The following WWC2 variants were observed in gnomAD, a reference collection of about 807,000 sequenced individuals.
The protein encoded by WWC2 is WW and C2 domain containing 2, also known as protein WWC2.
In WWC2, 101 loss-of-function variants were observed where a neutral mutation model predicts 138.5. That is an observed-to-expected ratio of 0.73 (90% CI 0.62 to 0.86). The LOEUF is 0.86. Ranked by LOEUF, WWC2 falls within the 40% of genes least tolerant of loss-of-function variation. WWC2 has a pLI of 0.00. For synonymous variants in WWC2, 558 were observed against 538.4 expected (o/e 1.04, Z -0.50); for missense variants, 1,420 against 1,419.4 (o/e 1.00, Z -0.01).
At position 183,208,023 on chromosome 4, in the gene WWC2, C is replaced by T. The variant is rs758665430; in HGVS notation, c.312C>T (p.Leu104=). ...GEQEKMLKDY[L]SVAQDALRTQ... ...AGGAGAAGATGCTCAAGGACTACCT[C>T]TCTGTGGCACAGGATGCCCTCCGGA... The change falls in exon 3 of 23, where the codon CTC becomes CTT. Residue 104 remains leucine, a synonymous_variant. Transcript: ENST00000403733. 6.2e-7 allele frequency: 1 copy of T among 1,613,842 alleles called. No homozygotes were observed. The highest frequency in any genetic ancestry group is 1.1e-5 in the South Asian group (1 of 91,054).
intron 1 of WWC2, among the ~76,000 whole-genome samples, chr4:183,172,395 T>G (rs1420419266): frequency 6.6e-6 from 1 of 152,170 alleles, no homozygotes; most frequent in Non-Finnish European, 1.5e-5. Flanking sequence ...GCTTTGCATC[T>G]CCACAGATGC....
In WWC2 at chr4:183,173,729, G is replaced by A. The variant is rs531633078; in HGVS notation, c.132-19870G>A. ...TGTGGAATGCTCCACACTGCGGGGGGCCAGCTGCCCGGGGATTCATCCAGA... is the reference window on the plus strand; with the variant it reads ...TGTGGAATGCTCCACACTGCGGGGGACCAGCTGCCCGGGGATTCATCCAGA... On this transcript the variant is annotated intron_variant, in intron 1 of 22. Coordinates refer to ENST00000403733, the MANE Select transcript of WWC2 (RefSeq NM_024949.6). 5.9e-5 allele frequency among the ~76,000 whole-genome samples: 9 copies of A among 152,184 alleles called. No individual in the cohort carries two copies. The South Asian group carries it at 6.2e-4, about 11-fold the overall frequency.
chr4:183,144,946 T>C lies in WWC2; in HGVS notation c.131+45324T>C, dbSNP rs1216544352. ...TAGTCCTTGTTAGATTTGGTTTTGT[T>C]TAGCTGTCAAAGTCTGACAGAAATC... On this transcript the variant is annotated intron_variant, in intron 1 of 22. Transcript: ENST00000403733. Among the ~76,000 whole-genome samples, 3 of 152,200 alleles carry C rather than the reference T, an allele frequency of 2.0e-5. No homozygotes were observed. In the South Asian group the frequency reaches 6.2e-4, roughly 31 times the overall value.
At chr4:183,266,766 A>C (rs1440039637) in intron 14 of WWC2, among the ~76,000 whole-genome samples, 2 of 152,212 alleles carry the variant, frequency 1.3e-5, no homozygotes, top group Non-Finnish European at 2.9e-5. Context: ...AAGGCTTTGG[A>C]AATTTAAAAA....
chr4:183,235,605 C>T (rs1191760095), intron 4 of WWC2, among the ~76,000 whole-genome samples: 1 of 152,152 alleles, frequency 6.6e-6, no homozygotes, highest in Admixed American at 6.5e-5. Context: ...CTGTGACCAT[C>T]TTGTTTCACT....
chr4:183,156,801 A>G (rs1733818699), intron 1 of WWC2, among the ~76,000 whole-genome samples: 2 of 152,236 alleles, frequency 1.3e-5, no homozygotes, highest in South Asian at 4.1e-4. Flanking sequence ...AGATGCAAAA[A>G]GAGTACAAAG....
At chr4:183,120,405 AC>A (rs1200460540) in intron 1 of WWC2, among the ~76,000 whole-genome samples, 1 of 152,206 alleles carries the variant, frequency 6.6e-6, no homozygotes, top group African/African-American at 2.4e-5. Flanking sequence ...ATTGATGCTG[AC>A]GTTTATGAAC....
At chr4:183,170,465 G>C (rs999856436) in intron 1 of WWC2, among the ~76,000 whole-genome samples, 8 of 152,152 alleles carry the variant, frequency 5.3e-5, no homozygotes, top group African/African-American at 1.9e-4. Flanking sequence ...GTGGACGGTG[G>C]GTGGGGTAAA....
chr4:183,175,775 G>A (rs937193124), intron 1 of WWC2, among the ~76,000 whole-genome samples: 1 of 152,164 alleles, frequency 6.6e-6, no homozygotes, highest in Admixed American at 6.5e-5. Context: ...GGAGATGTTC[G>A]TGAAAGCACT....
rs190000395 is a variant in WWC2 at position 183,218,991 on chromosome 4, A to G, written c.522+9966A>G. ...CAACAAAATATGGCATATACATATA[A>G]TGCAATATTATTAAGCTTTAAAACA... On this transcript the variant is annotated intron_variant, in intron 4 of 22. Coordinates refer to ENST00000403733, the MANE Select transcript of WWC2 (RefSeq NM_024949.6). Among the ~76,000 whole-genome samples the G allele has an allele frequency of 7.9e-5, 12 of 152,392 alleles. No individual in the cohort carries two copies. In the East Asian group the frequency reaches 2.3e-3, roughly 29 times the overall value.
At chr4:183,305,180 G>A (rs539167761) in intron 21 of WWC2, among the ~76,000 whole-genome samples, 1 of 152,188 alleles carries the variant, frequency 6.6e-6, no homozygotes, top group Admixed American at 6.5e-5. Flanking sequence ...AACTCTTGAG[G>A]ATATGTCAAT....
At chr4:183,258,701 A>G (rs1331548367) in intron 9 of WWC2, among the ~76,000 whole-genome samples, 1 of 152,188 alleles carries the variant, frequency 6.6e-6, no homozygotes, top group Admixed American at 6.5e-5. Flanking sequence ...CATTTTACAG[A>G]TGAGAAAAGT....
rs191384468 is a variant in WWC2, at chr4:183,100,627, A to G, written c.131+1005A>G. On this transcript the variant is annotated intron_variant, in intron 1 of 22. Coordinates refer to ENST00000403733, the MANE Select transcript of WWC2 (RefSeq NM_024949.6). Reference sequence around the variant, plus strand: ...GCCCTTTGGGCTTTATATACTTTTTAGGTGCTTCTCCTATTTAACATTTTC... The same window carrying G: ...GCCCTTTGGGCTTTATATACTTTTTGGGTGCTTCTCCTATTTAACATTTTC... Among the ~76,000 whole-genome samples, 4 of 152,304 alleles carry G rather than the reference A, an allele frequency of 2.6e-5. No individual in the cohort carries two copies. In the East Asian group the frequency reaches 5.8e-4, roughly 22 times the overall value.
chr4:183,309,355 T>C (rs374300277), intron 21 of WWC2, among the ~76,000 whole-genome samples: 7 of 152,236 alleles, frequency 4.6e-5, no homozygotes, highest in African/African-American at 9.6e-5. Context: ...AGGACTGTTA[T>C]CTAAGTTACA....
chr4:183,223,043 T>C (rs961154442), intron 4 of WWC2, among the ~76,000 whole-genome samples: 11 of 152,212 alleles, frequency 7.2e-5, no homozygotes, highest in Admixed American at 3.3e-4. Context: ...ATATATATGA[T>C]GGTAGTCCCA....
chr4:183,183,207 G>A (rs966513379), intron 1 of WWC2, among the ~76,000 whole-genome samples: 4 of 152,102 alleles, frequency 2.6e-5, no homozygotes, highest in South Asian at 2.1e-4. Context: ...TCTGGGGTAC[G>A]TGTGCAGTAA....
intron 19 of WWC2, 103 bp downstream of exon 19, chr4:183,284,493 A>C: frequency 1.5e-6 from 2 of 1,301,936 alleles, no homozygotes; most frequent in Non-Finnish European, 2.1e-6. Context: ...GGGAGTCCAC[A>C]TGACAACGAC....
chr4:183,297,224 C>T (rs768529205), intron 21 of WWC2, among the ~76,000 whole-genome samples: 15 of 151,966 alleles, frequency 9.9e-5, no homozygotes, highest in Non-Finnish European at 1.5e-4. Flanking sequence ...CCTCCCTCCT[C>T]GGCCTCCCAA....
chr4:183,307,798 G>T (rs539819298), intron 21 of WWC2, among the ~76,000 whole-genome samples: 3 of 152,168 alleles, frequency 2.0e-5, no homozygotes, highest in Non-Finnish European at 4.4e-5. Context: ...CTAAGACTAG[G>T]AACGGAGTAA....
Sources: allele counts gnomAD v4.1 joint callset (sites outside exome capture counted in the v4.1 genomes callset), GRCh38; gene constraint gnomAD v4.1.1; transcripts MANE v1.5; gene names NCBI Gene and HGNC (gene_info 2026-07-23, HGNC 2026-07-21).